NOSTRIN: variants seen among roughly 807,000 people sequenced by gnomAD.
The protein encoded by NOSTRIN is BM247 homolog.
NOSTRIN carries 63 observed loss-of-function variants against 59.0 expected under a neutral mutation model. The ratio of observed to expected loss-of-function variants is 1.07; its 90% confidence interval spans 0.87 to 1.32. NOSTRIN has a LOEUF of 1.32. Ranked by LOEUF, NOSTRIN falls within the 40% of genes most tolerant of loss-of-function variation. The pLI is 0.00. For missense variants in NOSTRIN, 512 were observed against 473.1 expected, an observed-to-expected ratio of 1.08 and a Z score of -0.76; for synonymous variants, 200 against 165.4, an observed-to-expected ratio of 1.21 and a Z score of -1.61.
At chr2:168,845,487 A>G (rs547258630) in intron 8 of NOSTRIN, among the ~76,000 whole-genome samples, 1 of 152,338 alleles carries the variant, frequency 6.6e-6, no homozygotes, top group Non-Finnish European at 1.5e-5. Flanking sequence ...GCTGATAACT[A>G]GCTTGCCTTC....
intron 8 of NOSTRIN, among the ~76,000 whole-genome samples, chr2:168,849,918 A>ATTTTGTTTT (rs56323647): frequency 1.1e-5 from 1 of 91,396 alleles, no homozygotes. Flanking sequence ...ACATTTTCTC[A>ATTTTGTTTT]TTTTTTTTTT....
At chr2:168,798,218 A>G (rs1685533408), upstream of NOSTRIN, 1 of 152,344 alleles carries the variant, frequency 6.6e-6, no homozygotes, top group East Asian at 1.9e-4. Context: ...GGTGCCTGAC[A>G]CGTGGTATGT....
chr2:168,789,380 A>G (rs1574244202), intron 2 of NOSTRIN, among the ~76,000 whole-genome samples: 1 of 152,222 alleles, frequency 6.6e-6, no homozygotes, highest in South Asian at 2.1e-4. Context: ...GGCAAAAGGC[A>G]TATCTTACGT....
chr2:168,850,888 A>T, intron 8 of NOSTRIN, 196 bp from the exon 9 acceptor site: 4 of 797,154 alleles, frequency 5.0e-6, no homozygotes, highest in Non-Finnish European at 6.4e-6. Context: ...GCCTGGGGAA[A>T]GTGTGTGAGT....
chr2:168,850,888 AGT>A, intron 8 of NOSTRIN, 194 bp from the exon 9 acceptor site: 2 of 797,154 alleles, frequency 2.5e-6, no homozygotes, highest in Non-Finnish European at 4.3e-6. Context: ...GCCTGGGGAA[AGT>A]GTGTGAGTGA....
At chr2:168,793,691 C>T (rs1685413523), upstream of NOSTRIN, among the ~76,000 whole-genome samples, 1 of 152,180 alleles carries the variant, frequency 6.6e-6, no homozygotes, top group African/African-American at 2.4e-5. Context: ...CCTTTTGTGA[C>T]TCTATTTACC....
upstream of NOSTRIN, among the ~76,000 whole-genome samples, chr2:168,796,077 T>C (rs1685470579): frequency 6.6e-6 from 1 of 151,914 alleles, no homozygotes; most frequent in Admixed American, 6.6e-5. Context: ...AAAATAAGAG[T>C]AACTTAATCA....
intron 7 of NOSTRIN, among the ~76,000 whole-genome samples, chr2:168,836,097 T>A (rs1407911467): frequency 1.3e-5 from 2 of 152,206 alleles, no homozygotes; most frequent in Non-Finnish European, 2.9e-5. Context: ...CTTAAATTCA[T>A]TGTTAGCAAG....
At chr2:168,797,347 A>G (rs1180161309), upstream of NOSTRIN, among the ~76,000 whole-genome samples, 1 of 151,990 alleles carries the variant, frequency 6.6e-6, no homozygotes, top group Non-Finnish European at 1.5e-5. Context: ...CCCTTCTGCT[A>G]CAGCCTCCCA....
intron 2 of NOSTRIN, among the ~76,000 whole-genome samples, chr2:168,789,810 G>A (rs1405061332): frequency 6.6e-6 from 1 of 152,212 alleles, no homozygotes; most frequent in African/African-American, 2.4e-5. Context: ...GTCAGACCGA[G>A]AAACAAAGGG....
chr2:168,828,204 A>G lies in NOSTRIN; in HGVS notation c.244A>G (p.Thr82Ala). The change falls in exon 4 of 16, where the codon ACA becomes GCA. Residue 82 changes from threonine (T) to alanine (A), a missense_variant. Transcript: ENST00000317647. ...WAWASEGMKS[T>A]ADLHQKLGKA... The stretch of plus-strand genomic sequence containing the variant: ...CTGGGCCTCAGAGGGAATGAAATCC[A>G]CAGCGGACCTGCATCAGTGAGTTCT... The G allele has an allele frequency of 1.1e-6, 1 of 872,952 alleles. No homozygotes were observed. 54.1% of individuals were successfully genotyped at this position (872,952 alleles called of 1,614,324 possible).
chr2:168,848,358 C>G (rs956176443), intron 8 of NOSTRIN, among the ~76,000 whole-genome samples: 1 of 152,206 alleles, frequency 6.6e-6, no homozygotes, highest in Non-Finnish European at 1.5e-5. Flanking sequence ...ATCCATTTGA[C>G]TCCCATTGAC....
chr2:168,855,395 CTT>C lies in NOSTRIN; in HGVS notation c.901_902del (p.Leu301ThrfsTer13). 6.2e-7 allele frequency: 1 copy of C among 1,610,584 alleles called. No individual in the cohort carries two copies. Among genetic ancestry groups the C allele is most frequent in the African/African-American group, 1.3e-5 (1 of 74,828 alleles). On this transcript the variant is annotated frameshift_variant, in exon 11 of 16. Transcript: ENST00000317647. LOFTEE classifies it high-confidence loss of function. ...GCAATGGATAAAGAGAGACGAAAGTCTTTACTAAAACCAAAATTATTGAGACT... is the reference window on the plus strand; with the variant it reads ...GCAATGGATAAAGAGAGACGAAAGTCTACTAAAACCAAAATTATTGAGACT...
At chr2:168,837,601 G>A (rs1033531161) in intron 7 of NOSTRIN, among the ~76,000 whole-genome samples, 11 of 152,050 alleles carry the variant, frequency 7.2e-5, no homozygotes, top group South Asian at 2.1e-4. Context: ...GAGCCACCGC[G>A]CCCGGTCACA....
At chr2:168,830,012 G>T (rs1286576407) in intron 5 of NOSTRIN, among the ~76,000 whole-genome samples, 1 of 152,194 alleles carries the variant, frequency 6.6e-6, no homozygotes, top group Non-Finnish European at 1.5e-5. Context: ...ATGTACATAG[G>T]TATATTTTAC....
Position 168,792,334 on chromosome 2 carries a change from A to C in NOSTRIN, c.-473+4286A>C, listed in dbSNP as rs542832879. Among the ~76,000 whole-genome samples, 104 of 151,120 alleles carry C rather than the reference A, an allele frequency of 6.9e-4. 1 individual carries two copies. The highest frequency in any genetic ancestry group is 2.4e-3 in the African/African-American group (99 of 40,494). On this transcript the variant is annotated intron_variant, in intron 2 of 20. Coordinates refer to the NOSTRIN transcript ENST00000458381. ...TTTAGTGAAAGAAAAAAATGCATTAAATAAAACTTCTTGAGAATTCTAAAT... is the reference window on the plus strand; with the variant it reads ...TTTAGTGAAAGAAAAAAATGCATTACATAAAACTTCTTGAGAATTCTAAAT...
At chr2:168,821,266 T>C (rs927283504) in intron 2 of NOSTRIN, among the ~76,000 whole-genome samples, 5 of 152,236 alleles carry the variant, frequency 3.3e-5, no homozygotes, top group Non-Finnish European at 7.3e-5. Context: ...GTATTTCAAG[T>C]GCTTGACAGC....
intron 2 of NOSTRIN, among the ~76,000 whole-genome samples, chr2:168,814,511 A>C (rs1165580368): frequency 6.6e-6 from 1 of 152,230 alleles, no homozygotes; most frequent in Non-Finnish European, 1.5e-5. Context: ...TTAGAAAAAT[A>C]CCTGGAAAGC....
intron 2 of NOSTRIN, chr2:168,818,206 T>G (rs7604904): frequency 0.013 from 5,419 of 416,826 alleles, 250 homozygotes; most frequent in African/African-American, 0.1. Flanking sequence ...CAGGCTGGAG[T>G]GCAGTGGTGC....
Sources: gnomAD v4.1 joint callset for allele counts (sites outside exome capture counted in the v4.1 genomes callset) on GRCh38, gnomAD v4.1.1 for gene constraint, MANE v1.5 for transcripts, NCBI Gene and HGNC (gene_info 2026-07-23, HGNC 2026-07-21) for gene names.